Variants in CDH12 observed in about 807,000 individuals in gnomAD.
The protein encoded by CDH12 is cadherin 12, also known as cadherin-12.
CDH12 carries 41 observed loss-of-function variants against 74.1 expected under a neutral mutation model. That is an observed-to-expected ratio of 0.55 (90% CI 0.43 to 0.72). The LOEUF (loss-of-function observed/expected upper bound fraction) is 0.72. Among genes scored for constraint, CDH12 ranks in the 30% least tolerant of loss-of-function variants. The pLI, the probability that CDH12 is intolerant of heterozygous loss-of-function variation, is 0.00. For synonymous variants in CDH12, 399 were observed against 355.0 expected (o/e 1.12, Z -1.39); for missense variants, 945 against 977.2 (o/e 0.97, Z 0.44).
chr5:22,224,763 T>C (rs1752137258), intron 3 of CDH12, among the ~76,000 whole-genome samples: 1 of 151,982 alleles, frequency 6.6e-6, no homozygotes, highest in Non-Finnish European at 1.5e-5. Context: ...AGTACATCTC[T>C]TTTCCTCAAT....
intron 3 of CDH12, among the ~76,000 whole-genome samples, chr5:22,231,265 T>G (rs1238381632): frequency 6.6e-6 from 1 of 152,146 alleles, no homozygotes; most frequent in Non-Finnish European, 1.5e-5. Context: ...ACAAAGGATT[T>G]TGAATTAAAC....
Position 21,751,436 on chromosome 5 carries a change from G to A in CDH12, c.*301C>T, listed in dbSNP as rs73053194. ...TTCTAGGTTGTCATGTCAGTAAATT[G>A]TATTGAATAGGCCTGAGCTTGTCTC... On this transcript the variant is annotated 3_prime_UTR_variant, in exon 15 of 15. Coordinates refer to ENST00000382254, the MANE Select transcript of CDH12 (RefSeq NM_004061.5). 3.6e-6 allele frequency: 1 copy of A among 279,232 alleles called. No individual in the cohort carries two copies. The highest frequency in any genetic ancestry group is 6.9e-6 in the Non-Finnish European group (1 of 145,950). The allele number at this position is 279,232 out of a possible 1,614,324, so 17.3% of individuals were successfully genotyped here.
chr5:22,612,085 T>C (rs1013849097), intron 1 of CDH12, among the ~76,000 whole-genome samples: 5 of 152,180 alleles, frequency 3.3e-5, no homozygotes, highest in Non-Finnish European at 7.4e-5. Context: ...CCTTACTTAT[T>C]GGTTATATGC....
At chr5:22,151,579 C>A (rs1244308232) in intron 4 of CDH12, among the ~76,000 whole-genome samples, 1 of 152,074 alleles carries the variant, frequency 6.6e-6, no homozygotes, top group Non-Finnish European at 1.5e-5. Context: ...GTTCCCTGAG[C>A]AGTGAAACAA....
At chr5:21,817,193 C>A in intron 8 of CDH12, 61 bp from the exon 9 acceptor site, 1 of 1,160,840 alleles carries the variant, frequency 8.6e-7, no homozygotes. Context: ...AGTAAGATTA[C>A]AAGGCTTGAA....
chr5:22,073,381 T>C (rs892415920), intron 5 of CDH12, among the ~76,000 whole-genome samples: 2 of 152,164 alleles, frequency 1.3e-5, no homozygotes, highest in Non-Finnish European at 2.9e-5. Flanking sequence ...TTGGAGGCTA[T>C]GAAAAAACTT....
At chr5:21,841,919 T>G in intron 8 of CDH12, among the ~76,000 whole-genome samples, 1 of 148,566 alleles carries the variant, frequency 6.7e-6, no homozygotes, top group East Asian at 2.1e-4. Flanking sequence ...GATGACGAGT[T>G]AGTGGGTGCA....
chr5:22,164,373 T>C (rs890830428), intron 4 of CDH12, among the ~76,000 whole-genome samples: 3 of 152,172 alleles, frequency 2.0e-5, no homozygotes, highest in Non-Finnish European at 2.9e-5. Flanking sequence ...GCAGGAACAA[T>C]GGCAAGACTT....
At chr5:21,828,718 TG>T (rs1748822258) in intron 8 of CDH12, among the ~76,000 whole-genome samples, 1 of 152,182 alleles carries the variant, frequency 6.6e-6, no homozygotes, top group Non-Finnish European at 1.5e-5. Context: ...ATATTTTCTG[TG>T]TCATCCCTGT....
chr5:22,749,848 A>G (rs1240744354), intron 1 of CDH12, among the ~76,000 whole-genome samples: 1 of 152,210 alleles, frequency 6.6e-6, no homozygotes, highest in Non-Finnish European at 1.5e-5. Context: ...TAGGCAGTAC[A>G]TTCTCATTAT....
rs186324543 is a variant in CDH12, at chr5:21,924,514, C to T, written c.526+50577G>A. On this transcript the variant is annotated intron_variant, in intron 6 of 14. Transcript: ENST00000382254. ...CTGGGCAACAAGAGCCAAACTGCAT[C>T]TCAATAAATAAATACATGAATACAT... is the stretch of plus-strand genomic sequence containing the variant. Among the ~76,000 whole-genome samples the T allele has an allele frequency of 6.4e-5, 9 of 140,614 alleles. No individual in the cohort carries two copies. The East Asian group carries it at 1.8e-3, about 28-fold the overall frequency. The allele number at this position is 140,614 out of a possible 152,430, so 92.2% of individuals were successfully genotyped here.
At chr5:22,740,554 C>A (rs1373365493) in intron 1 of CDH12, among the ~76,000 whole-genome samples, 1 of 151,864 alleles carries the variant, frequency 6.6e-6, no homozygotes, top group Non-Finnish European at 1.5e-5. Context: ...ATGTGTGTTT[C>A]AAGACAACTT....
intron 1 of CDH12, among the ~76,000 whole-genome samples, chr5:22,708,136 T>C (rs1028195401): frequency 3.3e-5 from 5 of 152,194 alleles, no homozygotes; most frequent in African/African-American, 1.2e-4. Flanking sequence ...AAATATATTA[T>C]CAAGACTCTT....
chr5:22,815,129 G>C (rs900299496), intron 1 of CDH12, among the ~76,000 whole-genome samples: 4 of 152,116 alleles, frequency 2.6e-5, no homozygotes, highest in African/African-American at 9.7e-5. Flanking sequence ...CCTGGAATTA[G>C]TTGGCGATGA....
intron 1 of CDH12, among the ~76,000 whole-genome samples, chr5:22,575,165 C>G (rs1488106345): frequency 6.6e-6 from 1 of 152,088 alleles, no homozygotes; most frequent in Non-Finnish European, 1.5e-5. Flanking sequence ...AGATCCCTCA[C>G]CCAGTGTGTG....
At chr5:22,189,811 C>T (rs373699855) in intron 4 of CDH12, among the ~76,000 whole-genome samples, 1 of 150,658 alleles carries the variant, frequency 6.6e-6, no homozygotes. Context: ...TGTGGTGCAT[C>T]CAGGGGATAA....
intron 1 of CDH12, among the ~76,000 whole-genome samples, chr5:22,798,648 A>T (rs1748352290): frequency 1.3e-5 from 2 of 152,142 alleles, no homozygotes; most frequent in African/African-American, 4.8e-5. Flanking sequence ...TTCATATATA[A>T]TCTAATGAAA....
intron 8 of CDH12, among the ~76,000 whole-genome samples, chr5:21,836,012 C>A (rs1232917077): frequency 6.6e-6 from 1 of 151,614 alleles, no homozygotes; most frequent in Non-Finnish European, 1.5e-5. Flanking sequence ...CACGTACATA[C>A]ATATATATGT....
chr5:22,352,465 T>C (rs935451929), intron 3 of CDH12, among the ~76,000 whole-genome samples: 41 of 130,990 alleles, frequency 3.1e-4, no homozygotes, highest in African/African-American at 1.1e-3. Context: ...GGCAAAATAA[T>C]TACAAAGAAA....
Sources: gnomAD v4.1 joint callset for allele counts (sites outside exome capture counted in the v4.1 genomes callset) on GRCh38, gnomAD v4.1.1 for gene constraint, MANE v1.5 for transcripts, NCBI Gene and HGNC (gene_info 2026-07-23, HGNC 2026-07-21) for gene names.